Variants in FHIT observed in about 807,000 individuals in gnomAD.
The protein encoded by FHIT is fragile histidine triad diadenosine triphosphatase.
A neutral mutation model predicts 17.9 loss-of-function variants in FHIT; 19 were observed. The ratio of observed to expected loss-of-function variants is 1.06; its 90% CI spans 0.74 to 1.56. The LOEUF is 1.56. Among genes scored for constraint, FHIT ranks in the 40% most tolerant of loss-of-function variants. The pLI is 0.00. For synonymous variants in FHIT, 81 were observed against 69.7 expected (o/e 1.16, Z -0.81); for missense variants, 248 against 189.2 (o/e 1.31, Z -1.82).
At chr3:60,663,928 C>A (rs1381753443) in intron 4 of FHIT, among the ~76,000 whole-genome samples, 1 of 152,188 alleles carries the variant, frequency 6.6e-6, no homozygotes, top group African/African-American at 2.4e-5. Context: ...TATATGTAGA[C>A]AATCATATCA....
At chr3:59,912,054 A>G (rs1209719350) in intron 8 of FHIT, among the ~76,000 whole-genome samples, 1 of 152,234 alleles carries the variant, frequency 6.6e-6, no homozygotes, top group Non-Finnish European at 1.5e-5. Flanking sequence ...TGTCCTCAGA[A>G]AAGTTTTCAA....
chr3:59,825,161 T>A (rs1448839497), intron 8 of FHIT, among the ~76,000 whole-genome samples: 2 of 152,218 alleles, frequency 1.3e-5, no homozygotes, highest in African/African-American at 4.8e-5. Flanking sequence ...GCAGAGGGTT[T>A]GATTCTTTTT....
At chr3:60,202,541 G>C (rs575227310) in intron 5 of FHIT, among the ~76,000 whole-genome samples, 1 of 152,316 alleles carries the variant, frequency 6.6e-6, no homozygotes, top group South Asian at 2.1e-4. Context: ...TGGTAGAGTA[G>C]TTATGGTTGC....
intron 3 of FHIT, among the ~76,000 whole-genome samples, chr3:61,017,837 G>A (rs1391111789): frequency 2.0e-5 from 3 of 152,178 alleles, no homozygotes; most frequent in African/African-American, 7.2e-5. Context: ...TGGAACAGCT[G>A]TCTCACACAG....
intron 4 of FHIT, among the ~76,000 whole-genome samples, chr3:60,638,595 T>C (rs1315905668): frequency 6.6e-6 from 1 of 152,116 alleles, no homozygotes; most frequent in African/African-American, 2.4e-5. Context: ...ATCAGTAATT[T>C]TAATTTGAGA....
chr3:59,847,100 A>G (rs1701750687), intron 8 of FHIT, among the ~76,000 whole-genome samples: 1 of 151,962 alleles, frequency 6.6e-6, no homozygotes, highest in Admixed American at 6.6e-5. Context: ...GAGCTTTTTG[A>G]TGTTCATATT....
rs1376325309 is a variant in FHIT, at chr3:60,482,563, G to C, written c.103+54297C>G. Among the ~76,000 whole-genome samples, 21 of 152,100 alleles carry C rather than the reference G, an allele frequency of 1.4e-4. 1 individual carries two copies. The highest frequency in any genetic ancestry group is 1.3e-3 in the Admixed American group (20 of 15,270). ...CAATTACATGGAAATTGAACAACATGATCCTGAGTGAATCCTGGGTAAATA... is the reference window on the plus strand; with the variant it reads ...CAATTACATGGAAATTGAACAACATCATCCTGAGTGAATCCTGGGTAAATA... On this transcript the variant is annotated intron_variant, in intron 5 of 9. Transcript: ENST00000492590.
At chr3:60,608,272 G>A (rs572418641) in intron 4 of FHIT, among the ~76,000 whole-genome samples, 7 of 152,132 alleles carry the variant, frequency 4.6e-5, no homozygotes, top group Non-Finnish European at 8.8e-5. Context: ...GTAGGCCTGA[G>A]CCAATTATTC....
At chr3:60,668,554 C>CTTTTTT (rs71092627) in intron 4 of FHIT, among the ~76,000 whole-genome samples, 1 of 54,820 alleles carries the variant, frequency 1.8e-5, no homozygotes, top group Non-Finnish European at 3.3e-5. Context: ...CCAGCTCATT[C>CTTTTTT]TTTTTTTTTT....
intron 4 of FHIT, among the ~76,000 whole-genome samples, chr3:60,676,389 T>A (rs568801193): frequency 3.9e-5 from 6 of 152,192 alleles, no homozygotes; most frequent in African/African-American, 1.4e-4. Flanking sequence ...GGCTGCAATC[T>A]GGAAAGGACG....
chr3:61,211,269 A>G (rs925124335), intron 1 of FHIT, among the ~76,000 whole-genome samples: 2 of 151,698 alleles, frequency 1.3e-5, no homozygotes, highest in Non-Finnish European at 2.9e-5. Context: ...GGGGTGACAG[A>G]CGGCACCTGG....
chr3:59,858,208 T>C (rs1406850359), intron 8 of FHIT, among the ~76,000 whole-genome samples: 1 of 151,034 alleles, frequency 6.6e-6, no homozygotes, highest in Non-Finnish European at 1.5e-5. Context: ...AAGACATAAA[T>C]GGTGATCTTC....
intron 3 of FHIT, among the ~76,000 whole-genome samples, chr3:60,858,871 T>C (rs1703493681): frequency 6.6e-6 from 1 of 152,140 alleles, no homozygotes; most frequent in Non-Finnish European, 1.5e-5. Flanking sequence ...CTGAAATATA[T>C]ATAATCACAG....
chr3:59,958,778 C>CT (rs1375214052), intron 7 of FHIT, among the ~76,000 whole-genome samples: 2 of 152,188 alleles, frequency 1.3e-5, no homozygotes, highest in South Asian at 4.1e-4. Flanking sequence ...TGACTCTCTC[C>CT]TTTTTTCTCC....
intron 8 of FHIT, among the ~76,000 whole-genome samples, chr3:59,759,446 A>G (rs73092702): frequency 0.11 from 17,348 of 152,088 alleles, 1,057 homozygotes; most frequent in South Asian, 0.23. Flanking sequence ...AAGTGAGAGG[A>G]CTTGGCCCCT....
At chr3:59,844,783 T>G (rs1406335353) in intron 8 of FHIT, among the ~76,000 whole-genome samples, 2 of 152,186 alleles carry the variant, frequency 1.3e-5, no homozygotes, top group East Asian at 3.9e-4. Context: ...GTAGTTTTTT[T>G]GCAATGTCTT....
chr3:61,059,063 G>A (rs2034330825), intron 2 of FHIT, among the ~76,000 whole-genome samples: 1 of 152,182 alleles, frequency 6.6e-6, no homozygotes, highest in Admixed American at 6.5e-5. Context: ...GTTCCCCAAT[G>A]TCTGGCCCTA....
chr3:60,833,907 T>C (rs1435896384), intron 3 of FHIT, among the ~76,000 whole-genome samples: 1 of 152,204 alleles, frequency 6.6e-6, no homozygotes, highest in Non-Finnish European at 1.5e-5. Context: ...TCTTTTGGTT[T>C]TGTGTTTTTT....
At chr3:60,134,300 T>TA (rs1226760633) in intron 5 of FHIT, among the ~76,000 whole-genome samples, 2 of 152,182 alleles carry the variant, frequency 1.3e-5, no homozygotes, top group South Asian at 2.1e-4. Context: ...GTAACATACT[T>TA]AGTCACTTAG....
Sources: allele counts gnomAD v4.1 joint callset (sites outside exome capture counted in the v4.1 genomes callset), GRCh38; gene constraint gnomAD v4.1.1; transcripts MANE v1.5; gene names NCBI Gene and HGNC (gene_info 2026-07-23, HGNC 2026-07-21).